Variants in GRM5 observed in about 807,000 individuals in gnomAD.
GRM5 encodes the protein metabotropic glutamate receptor 5.
Under a neutral mutation model 83.1 loss-of-function variants are expected in GRM5, and 19 were observed. The ratio of observed to expected loss-of-function variants is 0.23; its 90% confidence interval spans 0.16 to 0.34. The LOEUF (loss-of-function observed/expected upper bound fraction) is 0.34. GRM5 is among the 10% of genes least tolerant of loss of function. The probability of loss-of-function intolerance (pLI) is 1.00; values close to 1 mark genes in which losing one functional copy is unlikely to be tolerated. For synonymous variants in GRM5, 675 were observed against 633.6 expected (o/e 1.07, Z -0.98); for missense variants, 1,160 against 1,588.3 (o/e 0.73, Z 4.58).
chr11:89,008,969 G>A (rs1437700662), intron 2 of GRM5: 4 of 598,338 alleles, frequency 6.7e-6, no homozygotes, highest in Non-Finnish European at 1.2e-5. Context: ...TAACTGACAA[G>A]TGATAACTTT....
chr11:88,613,158 A>C (rs1420729822), intron 4 of GRM5, among the ~76,000 whole-genome samples: 1 of 152,172 alleles, frequency 6.6e-6, no homozygotes, highest in Non-Finnish European at 1.5e-5. Flanking sequence ...GCAGACGAGA[A>C]GAATGTATAT....
intron 2 of GRM5, among the ~76,000 whole-genome samples, chr11:88,939,206 T>A (rs1314367388): frequency 6.6e-6 from 1 of 151,830 alleles, no homozygotes; most frequent in African/African-American, 2.4e-5. Context: ...ATTCTCTAAA[T>A]TTCACCACTG....
intron 3 of GRM5, among the ~76,000 whole-genome samples, chr11:88,849,281 G>A (rs1944350776): frequency 6.6e-6 from 1 of 151,902 alleles, no homozygotes; most frequent in African/African-American, 2.4e-5. Flanking sequence ...TTTCTCTGGA[G>A]AATTTGACTA....
chr11:88,653,198 C>T lies in GRM5; in HGVS notation c.1117G>A (p.Glu373Lys). 1.2e-6 allele frequency: 2 copies of T among 1,609,476 alleles called. No individual in the cohort carries two copies. Among genetic ancestry groups the T allele is most frequent in the South Asian group, 2.2e-5 (2 of 90,974 alleles). ...CAAGTCTTGTTGTATTTGCTGTTCTCCTGTGGAAACCCTTCCAGTCGGCAC... is the reference window on the plus strand; with the variant it reads ...CAAGTCTTGTTGTATTTGCTGTTCTTCTGTGGAAACCCTTCCAGTCGGCAC... ...FQCRLEGFPQ[E>K]NSKYNKTCNS... The change falls in exon 4 of 10, where the codon GAG (glutamate) becomes AAG (lysine). Residue 373 changes from glutamate (E) to lysine (K), a missense_variant. This residue lies in a region of GRM5 where 132 missense variants were observed against 197.6 expected (regional missense o/e 0.67). Transcript: ENST00000305447.
intron 4 of GRM5, among the ~76,000 whole-genome samples, chr11:88,606,463 C>T (rs1486433536): frequency 1.3e-5 from 2 of 152,196 alleles, no homozygotes; most frequent in African/African-American, 4.8e-5. Flanking sequence ...TTGCAGTGAG[C>T]CAAGATGGCG....
At chr11:89,009,930 A>AAAAAAAAAAAAC (rs1316250515) in intron 2 of GRM5, among the ~76,000 whole-genome samples, 1 of 100,122 alleles carries the variant, frequency 1.0e-5, no homozygotes, top group African/African-American at 3.1e-5. Context: ...AAAAAAAAAA[A>AAAAAAAAAAAAC]CACACACAAA....
intron 2 of GRM5, among the ~76,000 whole-genome samples, chr11:88,991,555 C>G (rs11021695): frequency 0.63 from 92,578 of 146,330 alleles, 30,889 homozygotes; most frequent in African/African-American, 0.84. Flanking sequence ...GCATCACCAA[C>G]TCAATCCTAA....
chr11:89,046,679 C>T (rs1941648827), intron 2 of GRM5, among the ~76,000 whole-genome samples: 1 of 152,088 alleles, frequency 6.6e-6, no homozygotes, highest in South Asian at 2.1e-4. Context: ...TTCTTATCTC[C>T]ATTTTGGATT....
chr11:89,011,823 T>C (rs1940708509), intron 2 of GRM5, among the ~76,000 whole-genome samples: 1 of 152,224 alleles, frequency 6.6e-6, no homozygotes, highest in Non-Finnish European at 1.5e-5. Context: ...ATGCAATTAC[T>C]CTTAATCTAT....
intron 8 of GRM5, among the ~76,000 whole-genome samples, chr11:88,544,530 G>A (rs1334157510): frequency 6.6e-6 from 1 of 152,178 alleles, no homozygotes; most frequent in Non-Finnish European, 1.5e-5. Flanking sequence ...TCTGTTTTGG[G>A]CTTTCTCCCC....
chr11:88,772,909 T>C (rs1942770281), intron 3 of GRM5, among the ~76,000 whole-genome samples: 1 of 152,214 alleles, frequency 6.6e-6, no homozygotes, highest in Non-Finnish European at 1.5e-5. Context: ...GCAATAAACA[T>C]ATGTGTGCAT....
chr11:88,893,353 G>T (rs1042807556), intron 2 of GRM5, among the ~76,000 whole-genome samples: 2 of 152,042 alleles, frequency 1.3e-5, no homozygotes, highest in Non-Finnish European at 2.9e-5. Context: ...TTTAGGAGAA[G>T]TCAGAAGATT....
chr11:88,792,376 T>C (rs1490767879), intron 3 of GRM5, among the ~76,000 whole-genome samples: 1 of 152,120 alleles, frequency 6.6e-6, no homozygotes, highest in Non-Finnish European at 1.5e-5. Context: ...TTAGCATCTT[T>C]GGTGCCCAAT....
chr11:88,621,301 T>C (rs1938627883), intron 4 of GRM5, among the ~76,000 whole-genome samples: 1 of 152,208 alleles, frequency 6.6e-6, no homozygotes, highest in Non-Finnish European at 1.5e-5. Context: ...CTGTGTTTTA[T>C]AATGTTTCCT....
At chr11:88,835,759 C>A (rs1463233503) in intron 3 of GRM5, among the ~76,000 whole-genome samples, 1 of 152,202 alleles carries the variant, frequency 6.6e-6, no homozygotes, top group African/African-American at 2.4e-5. Flanking sequence ...AGACTAATAT[C>A]TATATCCAAA....
chr11:89,056,456 C>A (rs1328388110), intron 1 of GRM5, among the ~76,000 whole-genome samples: 6 of 152,116 alleles, frequency 3.9e-5, no homozygotes, highest in African/African-American at 7.2e-5. Flanking sequence ...AAAAATACCA[C>A]AATACTTTAT....
chr11:88,626,037 G>T (rs1225213541), intron 4 of GRM5, among the ~76,000 whole-genome samples: 4 of 151,932 alleles, frequency 2.6e-5, no homozygotes, highest in African/African-American at 9.7e-5. Flanking sequence ...TTTTTTACCA[G>T]ATTACCTCAC....
At chr11:88,812,615 A>T (rs975261655) in intron 3 of GRM5, among the ~76,000 whole-genome samples, 4 of 152,128 alleles carry the variant, frequency 2.6e-5, no homozygotes, top group Non-Finnish European at 4.4e-5. Flanking sequence ...AATATTTTTC[A>T]ATCAACAAAC....
intron 3 of GRM5, among the ~76,000 whole-genome samples, chr11:88,766,570 A>G (rs1942628249): frequency 6.6e-6 from 1 of 152,060 alleles, no homozygotes; most frequent in Non-Finnish European, 1.5e-5. Context: ...TGGATCAAAG[A>G]CTTCAATGTA....
Sources: gnomAD v4.1 joint callset for allele counts (sites outside exome capture counted in the v4.1 genomes callset) on GRCh38, gnomAD v4.1.1 for gene constraint, gnomAD v4.1.1 regional missense constraint, MANE v1.5 for transcripts, NCBI Gene and HGNC (gene_info 2026-07-23, HGNC 2026-07-21) for gene names.